The following FAM149A variants were observed in gnomAD, a reference collection of about 807,000 sequenced individuals.
FAM149A encodes the protein protein FAM149A.
FAM149A carries 71 observed loss-of-function variants against 78.2 expected under a neutral mutation model. The ratio of observed to expected loss-of-function variants is 0.91; its 90% CI spans 0.75 to 1.11. The LOEUF is 1.11. Ranked by LOEUF, FAM149A falls within the 50% of genes least tolerant of loss-of-function variation. The pLI, the probability that FAM149A is intolerant of heterozygous loss-of-function variation, is 0.00. For missense variants in FAM149A, 1,036 were observed against 971.0 expected, an observed-to-expected ratio of 1.07 and a Z score of -0.89; for synonymous variants, 446 against 410.5, an observed-to-expected ratio of 1.09 and a Z score of -1.04.
chr4:186,171,912 A>G lies in FAM149A; in HGVS notation c.2219-2A>G. 3.1e-6 allele frequency: 5 copies of G among 1,603,176 alleles called. No individual in the cohort carries two copies. Among genetic ancestry groups the G allele is most frequent in the Non-Finnish European group, 4.3e-6 (5 of 1,175,958 alleles). On this transcript the variant is annotated splice_acceptor_variant, in intron 13 of 13. Coordinates refer to ENST00000389354, the MANE Select transcript of FAM149A (RefSeq NM_001367768.3). LOFTEE classifies it high-confidence loss of function. ...GAATTACCTTTTGCTTGGTGTTTCC[A>G]GGTTCACAATATGTGCCTAAATCTT...
At chr4:186,146,669 C>A in intron 1 of FAM149A, 1 of 706,088 alleles carries the variant, frequency 1.4e-6, no homozygotes, top group Non-Finnish European at 1.7e-6. Context: ...CCGTCTTGAG[C>A]AGAGCAGATG....
rs1734837676 is a variant in FAM149A at position 186,164,258 on chromosome 4, C to G, written c.1889+625C>G. Among the ~76,000 whole-genome samples the G allele has an allele frequency of 6.6e-6, 1 of 152,166 alleles. No homozygotes were observed. Among genetic ancestry groups the G allele is most frequent in the Non-Finnish European group, 1.5e-5 (1 of 68,030 alleles). On this transcript the variant is annotated intron_variant, in intron 10 of 13. Coordinates refer to ENST00000389354, the MANE Select transcript of FAM149A (RefSeq NM_001367768.3). The surrounding 1 kb of genome is among the most constrained non-coding windows in gnomAD (Gnocchi z 4.0). ...ATTTATGATCTTATTTATTCCCCAC[C>G]ACAAAACTTTATATTGTTGGGACTC...
intron 1 of FAM149A, among the ~76,000 whole-genome samples, chr4:186,129,449 A>T (rs930491887): frequency 1.3e-5 from 2 of 152,190 alleles, no homozygotes; most frequent in Admixed American, 6.5e-5. Flanking sequence ...AATGTGATTC[A>T]TATCACACAC....
At chr4:186,131,848 A>C in intron 1 of FAM149A, 1 of 972,056 alleles carries the variant, frequency 1.0e-6, no homozygotes, top group Non-Finnish European at 1.2e-6. Context: ...GTTACACTGC[A>C]TTAAAATTAA....
At chr4:186,127,041 C>A in intron 1 of FAM149A, 1 of 985,320 alleles carries the variant, frequency 1.0e-6, no homozygotes, top group Non-Finnish European at 1.2e-6. Flanking sequence ...ACAAGTGTTG[C>A]GGGCAGGACA....
At chr4:186,129,891 C>T (rs1414972994) in intron 1 of FAM149A, 2 of 151,926 alleles carry the variant, frequency 1.3e-5, no homozygotes, top group African/African-American at 2.4e-5. Context: ...AAGTAGACTC[C>T]CAAGTAAATA....
At chr4:186,163,722 C>T in intron 10 of FAM149A, 89 bp downstream of exon 10, 1 of 933,860 alleles carries the variant, frequency 1.1e-6, no homozygotes, top group Non-Finnish European at 1.7e-6. Context: ...CTGGACAAAG[C>T]ATCCCTACCT....
chr4:186,130,173 G>A (rs949587089), intron 1 of FAM149A: 2 of 151,546 alleles, frequency 1.3e-5, no homozygotes, highest in East Asian at 1.9e-4. Flanking sequence ...AACACAGATA[G>A]GAGGTAACTG....
rs112621446 is a variant in FAM149A, at chr4:186,160,953, G to A, written c.1576-1892G>A. On this transcript the variant is annotated intron_variant, in intron 8 of 13. Coordinates refer to ENST00000389354, the MANE Select transcript of FAM149A (RefSeq NM_001367768.3). ...CCTCAATTTCCTGATTTATGAGGTA[G>A]GAAGCTGTGAGAATTAAAGGAGATA... 1,585 of 861,956 alleles carry A rather than the reference G, an allele frequency of 1.8e-3. 24 individuals carry two copies. The African/African-American group carries it at 0.027, about 15-fold the overall frequency. The allele number at this position is 861,956 out of a possible 1,614,324, so 53.4% of individuals were successfully genotyped here.
At chr4:186,158,119 C>G in intron 8 of FAM149A, 2 of 1,309,200 alleles carry the variant, frequency 1.5e-6, no homozygotes, top group African/African-American at 1.5e-5. Flanking sequence ...TGCTGAGGTC[C>G]CTGTCTTGCT....
chr4:186,165,643 A>T (rs1734967236), intron 11 of FAM149A, among the ~76,000 whole-genome samples, 179 bp downstream of exon 11: 1 of 152,224 alleles, frequency 6.6e-6, no homozygotes, highest in Non-Finnish European at 1.5e-5. Flanking sequence ...ATTTACAGGG[A>T]GTGAGAGGCT....
chr4:186,164,557 A>T lies in FAM149A; in HGVS notation c.1890-787A>T. ...CTGTTTCTTTCACAGTTTGGGACTG[A>T]TGTTTCCAGCTGTGTTGGGTCTGCT... On this transcript the variant is annotated intron_variant, in intron 10 of 13. Coordinates refer to ENST00000389354, the MANE Select transcript of FAM149A (RefSeq NM_001367768.3). The surrounding 1 kb of genome is among the most constrained non-coding windows in gnomAD (Gnocchi z 4.0). 1.1e-6 allele frequency: 1 copy of T among 883,174 alleles called. No individual in the cohort carries two copies. The highest frequency in any genetic ancestry group is 1.4e-6 in the Non-Finnish European group (1 of 736,638). The allele number at this position is 883,174 out of a possible 1,614,324, so 54.7% of individuals were successfully genotyped here. A position where few individuals can be genotyped will look rare whatever the true frequency, so the allele number is the denominator to read the frequency against.
In FAM149A at chr4:186,166,972, G is replaced by T; in HGVS notation, c.2015G>T (p.Arg672Ile). ...AACATACTATCCTTCATTTAGTACA[G>T]AGGAAGGCATCTACAAAACCGTGTG... Residue 672 changes from arginine (R) to isoleucine (I), a missense_variant, in exon 12 of 14, where the codon AGA (arginine) becomes ATA (isoleucine). Transcript: ENST00000389354. 1 of 1,613,508 alleles carries T rather than the reference G, an allele frequency of 6.2e-7. No homozygotes were observed. Among genetic ancestry groups the T allele is most frequent in the Middle Eastern group, 1.7e-4 (1 of 6,060 alleles).
At chr4:186,145,384 G>T (rs897049762) in intron 1 of FAM149A, among the ~76,000 whole-genome samples, 1 of 152,196 alleles carries the variant, frequency 6.6e-6, no homozygotes, top group African/African-American at 2.4e-5. Context: ...GGCCACCCTG[G>T]AGTGCCCCTG....
chr4:186,164,387 T>G lies in FAM149A; in HGVS notation c.1889+754T>G, dbSNP rs1734851131. The stretch of plus-strand genomic sequence containing the variant: ...CACACCCACAAGTGCTCTCAGGCTT[T>G]AGAGACCACCCACTGGACCCCCGGC... On this transcript the variant is annotated intron_variant, in intron 10 of 13. Coordinates refer to ENST00000389354, the MANE Select transcript of FAM149A (RefSeq NM_001367768.3). This position sits in a 1 kb window ranked among gnomAD's most constrained non-coding sequence, Gnocchi z 4.0. The G allele has an allele frequency of 1.2e-6, 1 of 849,462 alleles. No homozygotes were observed. Among genetic ancestry groups the G allele is most frequent in the South Asian group, 5.4e-5 (1 of 18,650 alleles). The allele number at this position is 849,462 out of a possible 1,614,324, so 52.6% of individuals were successfully genotyped here.
In FAM149A at chr4:186,166,981, A is replaced by G. The variant is rs1735090507; in HGVS notation, c.2024A>G (p.His675Arg). ...TCCTTCATTTAGTACAGAGGAAGGC[A>G]TCTACAAAACCGTGTGTTGAGTGCC... Residue 675 changes from histidine (H) to arginine (R), a missense_variant, in exon 12 of 14, where the codon CAT (histidine) becomes CGT (arginine). By Grantham distance (29) the His-to-Arg change is conservative. Transcript: ENST00000389354. 2.5e-6 allele frequency: 4 copies of G among 1,613,986 alleles called. No homozygotes were observed. Among genetic ancestry groups the G allele is most frequent in the Non-Finnish European group, 3.4e-6 (4 of 1,179,920 alleles).
At chr4:186,139,969 C>G (rs1043089876) in intron 1 of FAM149A, among the ~76,000 whole-genome samples, 2 of 151,812 alleles carry the variant, frequency 1.3e-5, no homozygotes, top group African/African-American at 4.9e-5. Flanking sequence ...TGGTTTAATA[C>G]TCCACCTAAC....
At position 186,104,962 on chromosome 4, in the gene FAM149A, G is replaced by T. The variant is rs2099308183; in HGVS notation, c.-115G>T. ...GGAGGAGAGGGAGCCAGGGGCCTCC[G>T]GGGCTCCGGGTGCGGGGACCTCAGG... is the stretch of plus-strand genomic sequence containing the variant. On this transcript the variant is annotated 5_prime_UTR_variant, in exon 1 of 14. Transcript: ENST00000389354. 8.5e-7 allele frequency: 1 copy of T among 1,175,326 alleles called. No homozygotes were observed. Among genetic ancestry groups the T allele is most frequent in the South Asian group, 1.6e-5 (1 of 63,980 alleles). 72.8% of individuals were successfully genotyped at this position (1,175,326 alleles called of 1,614,324 possible). A position where few individuals can be genotyped will look rare whatever the true frequency, so the allele number is the denominator to read the frequency against.
chr4:186,149,637 C>T lies in FAM149A; in HGVS notation c.722C>T (p.Ser241Leu), dbSNP rs994757094. Residue 241 changes from serine to leucine, a missense_variant, in exon 3 of 14, where the codon TCG becomes TTG. Physicochemically the swap from Ser to Leu is moderately radical, Grantham distance 145 (BLOSUM62 -2). Coordinates refer to ENST00000389354, the MANE Select transcript of FAM149A (RefSeq NM_001367768.3). Reference sequence around the variant, plus strand: ...GGAGCCCACACCTCTTGGTCTGGGTCGGCCACACAGAGCTCTACCACCGGC... The same window carrying T: ...GGAGCCCACACCTCTTGGTCTGGGTTGGCCACACAGAGCTCTACCACCGGC... 5.4e-6 allele frequency: 7 copies of T among 1,289,782 alleles called. No individual in the cohort carries two copies. The highest frequency in any genetic ancestry group is 4.6e-5 in the African/African-American group (3 of 65,824). The allele number at this position is 1,289,782 out of a possible 1,614,324, so 79.9% of individuals were successfully genotyped here.
Sources: allele counts gnomAD v4.1 joint callset (sites outside exome capture counted in the v4.1 genomes callset), GRCh38; gene constraint gnomAD v4.1.1; non-coding constraint Gnocchi (gnomAD v3.1); transcripts MANE v1.5; gene names NCBI Gene and HGNC (gene_info 2026-07-23, HGNC 2026-07-21).